The following COL25A1 variants were observed in gnomAD, a reference collection of about 807,000 sequenced individuals.
COL25A1 encodes the protein collagen alpha-1(XXV) chain.
A neutral mutation model predicts 128.4 loss-of-function variants in COL25A1; 103 were observed. The ratio of observed to expected loss-of-function variants is 0.80; its 90% CI spans 0.68 to 0.94. The LOEUF (loss-of-function observed/expected upper bound fraction) is 0.94, where lower values mean the gene tolerates loss of function less well. COL25A1 is among the 40% of genes least tolerant of loss of function. The pLI is 0.00. For missense variants in COL25A1, 745 were observed against 840.0 expected, an observed-to-expected ratio of 0.89 and a Z score of 1.40; for synonymous variants, 279 against 277.2, an observed-to-expected ratio of 1.01 and a Z score of -0.06.
At chr4:109,092,476 G>A (rs532798788) in intron 3 of COL25A1, among the ~76,000 whole-genome samples, 5 of 152,232 alleles carry the variant, frequency 3.3e-5, no homozygotes, top group African/African-American at 9.6e-5. Context: ...GTGACAGAGC[G>A]AGATGCACAC....
intron 6 of COL25A1, among the ~76,000 whole-genome samples, chr4:108,980,295 G>T (rs1405155): frequency 0.8 from 121,201 of 152,016 alleles, 49,423 homozygotes; most frequent in East Asian, 1. Flanking sequence ...ACAGGGAGAG[G>T]TCTAGATTCA....
chr4:109,025,144 A>G (rs1232828945), intron 5 of COL25A1, among the ~76,000 whole-genome samples: 1 of 152,216 alleles, frequency 6.6e-6, no homozygotes, highest in Non-Finnish European at 1.5e-5. Flanking sequence ...TGCTTATCCA[A>G]GCCTTTTCAC....
At chr4:109,280,504 G>A (rs1413582250) in intron 3 of COL25A1, among the ~76,000 whole-genome samples, 1 of 152,154 alleles carries the variant, frequency 6.6e-6, no homozygotes, top group African/African-American at 2.4e-5. Flanking sequence ...TGGTCTGGGG[G>A]AGAAAAGTTA....
chr4:108,935,998 A>C (rs1035714221), intron 11 of COL25A1, among the ~76,000 whole-genome samples: 1 of 152,248 alleles, frequency 6.6e-6, no homozygotes, highest in Non-Finnish European at 1.5e-5. Flanking sequence ...TGAGAAGCCC[A>C]CATAGCTTTC....
At chr4:108,983,662 C>T (rs1753283416) in intron 6 of COL25A1, among the ~76,000 whole-genome samples, 1 of 151,978 alleles carries the variant, frequency 6.6e-6, no homozygotes. Context: ...TTTGGAGTTT[C>T]TTCCTTCTGG....
In COL25A1 at chr4:109,302,013, G is replaced by C. The variant is rs577543045; in HGVS notation, c.7C>G (p.Leu3Val). The C allele has an allele frequency of 3.3e-4, 530 of 1,588,232 alleles. 9 individuals carry two copies. In the South Asian group the frequency reaches 5.7e-3, roughly 17 times the overall value. The change falls in exon 2 of 38, where the codon CTG becomes GTG. Residue 3 changes from leucine (L) to valine (V), a missense_variant. Around this residue, in one of 3 missense-constraint regions of COL25A1, gnomAD observed 319 missense variants for 324.9 expected, o/e 0.98. Coordinates refer to ENST00000399132, the MANE Select transcript of COL25A1 (RefSeq NM_198721.4). ...CCTCCTTTCCCTGCGTGCTTCTTCAGCAGCATCGTGGCGGGGTCGGCCGTC... is the reference window on the plus strand; with the variant it reads ...CCTCCTTTCCCTGCGTGCTTCTTCACCAGCATCGTGGCGGGGTCGGCCGTC... ML[L>V]KKHAGKGGGR... is the part of the protein sequence containing the mutation.
At chr4:108,917,217 T>A (rs930502035) in intron 13 of COL25A1, among the ~76,000 whole-genome samples, 1 of 152,174 alleles carries the variant, frequency 6.6e-6, no homozygotes, top group Non-Finnish European at 1.5e-5. Flanking sequence ...TGTGGTTGTT[T>A]ATGTCTTATT....
chr4:108,944,823 A>G (rs376696436), intron 8 of COL25A1, among the ~76,000 whole-genome samples: 8 of 152,320 alleles, frequency 5.3e-5, no homozygotes, highest in East Asian at 1.9e-4. Context: ...AATAATCTCT[A>G]TTTGAGGAAG....
At chr4:109,013,228 A>G (rs1756835853) in intron 5 of COL25A1, among the ~76,000 whole-genome samples, 1 of 152,104 alleles carries the variant, frequency 6.6e-6, no homozygotes. Context: ...TTGTAAATGC[A>G]CCAATCAGTG....
rs187010373 is a variant in COL25A1, at chr4:109,026,472, C to T, written c.421-16097G>A. ...ATAAGCTCCGTAGATGGCAAGCAGG[C>T]GTTATATGAAGTGTGAACTCTGGTT... On this transcript the variant is annotated intron_variant, in intron 5 of 37. Coordinates refer to ENST00000399132, the MANE Select transcript of COL25A1 (RefSeq NM_198721.4). 1.9e-3 allele frequency among the ~76,000 whole-genome samples: 295 copies of T among 152,158 alleles called. 3 individuals are homozygous for T. The highest frequency in any genetic ancestry group is 6.8e-3 in the Middle Eastern group (2 of 294).
intron 5 of COL25A1, among the ~76,000 whole-genome samples, chr4:109,042,404 A>C (rs1412510923): frequency 6.6e-6 from 1 of 152,094 alleles, no homozygotes; most frequent in Non-Finnish European, 1.5e-5. Context: ...TGTTCATTTG[A>C]CAAGTGACAG....
intron 12 of COL25A1, 106 bp from the exon 13 acceptor site, chr4:108,918,322 A>ATCCACT: frequency 1.3e-6 from 1 of 748,722 alleles, no homozygotes; most frequent in Non-Finnish European, 2.1e-6. Flanking sequence ...ATTTCTAGGA[A>ATCCACT]GTCTTATTTT....
chr4:108,943,493 T>G (rs1307727386), intron 8 of COL25A1, among the ~76,000 whole-genome samples: 1 of 152,204 alleles, frequency 6.6e-6, no homozygotes, highest in African/African-American at 2.4e-5. Context: ...CAGGAATTCA[T>G]GCAGAGGTGG....
chr4:109,291,124 C>T (rs1724431661), intron 3 of COL25A1, among the ~76,000 whole-genome samples: 2 of 152,138 alleles, frequency 1.3e-5, no homozygotes, highest in Non-Finnish European at 2.9e-5. Flanking sequence ...GACGAAGGTG[C>T]TTCACTTAGC....
chr4:109,078,622 C>CA (rs35575115), intron 3 of COL25A1, among the ~76,000 whole-genome samples: 15,211 of 152,218 alleles, frequency 0.1, 1,050 homozygotes, highest in East Asian at 0.29. Flanking sequence ...ACTATTTACA[C>CA]AAAAGCCCAT....
chr4:109,010,377 T>G lies in COL25A1; in HGVS notation c.421-2A>C. The G allele has an allele frequency of 6.4e-7, 1 of 1,572,034 alleles. No homozygotes were observed. Among genetic ancestry groups the G allele is most frequent in the Non-Finnish European group, 8.6e-7 (1 of 1,164,168 alleles). ...CCTTACCTGAGGACCAGGCTGTCCC[T>G]GAAATTAAAAAGAAAAAGAAAAACA... is the stretch of plus-strand genomic sequence containing the variant. On this transcript the variant is annotated splice_acceptor_variant, in intron 5 of 37. Coordinates refer to ENST00000399132, the MANE Select transcript of COL25A1 (RefSeq NM_198721.4). LOFTEE classifies it high-confidence loss of function.
intron 37 of COL25A1, 75 bp from the exon 38 acceptor site, chr4:108,814,004 T>C: frequency 8.3e-7 from 1 of 1,206,036 alleles, no homozygotes; most frequent in Non-Finnish European, 1.2e-6. Flanking sequence ...TCAATATTTA[T>C]TTTCAGAAAA....
chr4:109,163,486 G>A (rs902997072), intron 3 of COL25A1, among the ~76,000 whole-genome samples: 4 of 152,178 alleles, frequency 2.6e-5, no homozygotes, highest in Admixed American at 1.3e-4. Flanking sequence ...AGGTAGGTTA[G>A]CAACACACAG....
At chr4:109,194,655 A>G (rs1775879531) in intron 3 of COL25A1, among the ~76,000 whole-genome samples, 1 of 152,162 alleles carries the variant, frequency 6.6e-6, no homozygotes. Context: ...TCCATTCTAG[A>G]TATATACTTT....
Sources: allele counts gnomAD v4.1 joint callset (sites outside exome capture counted in the v4.1 genomes callset), GRCh38; gene constraint gnomAD v4.1.1; regional missense constraint gnomAD v4.1.1; transcripts MANE v1.5; gene names NCBI Gene and HGNC (gene_info 2026-07-23, HGNC 2026-07-21).